Variants in DEFB115 observed in about 807,000 individuals in gnomAD.
DEFB115 encodes the protein beta-defensin 115.
In DEFB115, 7 loss-of-function variants were observed where a neutral mutation model predicts 8.8. The ratio of observed to expected loss-of-function variants is 0.79; its 90% CI spans 0.45 to 1.49. DEFB115 has a LOEUF of 1.49. DEFB115 is among the 40% of genes most tolerant of loss of function. DEFB115 has a pLI of 0.01. For missense variants in DEFB115, 143 were observed against 99.4 expected, an observed-to-expected ratio of 1.44 and a Z score of -1.86; for synonymous variants, 62 against 37.6, an observed-to-expected ratio of 1.65 and a Z score of -2.37.
intron 1 of DEFB115, 150 bp downstream of exon 1, chr20:31,257,907 A>G: frequency 1.4e-6 from 1 of 708,028 alleles, no homozygotes. Flanking sequence ...ATGCTCCCAT[A>G]AGAAGGGCAG....
chr20:31,258,417 C>T (rs1325373099), intron 1 of DEFB115, among the ~76,000 whole-genome samples: 1 of 152,096 alleles, frequency 6.6e-6, no homozygotes, highest in African/African-American at 2.4e-5. Flanking sequence ...CTTAGGCTTC[C>T]CAGGGGCTCT....
chr20:31,257,729 C>A lies in DEFB115; in HGVS notation c.66C>A (p.Val22=). 2 of 1,613,928 alleles carry A rather than the reference C, an allele frequency of 1.2e-6. No individual in the cohort carries two copies. The highest frequency in any genetic ancestry group is 1.7e-6 in the Non-Finnish European group (2 of 1,179,904). The stretch of plus-strand genomic sequence containing the variant: ...AACTCTCTGTCCTGGCCTTAGTTGT[C>A]CTTGTGGTCCTGGCTCAGACTGCCC... ...DIKLSVLALV[V]LVVLAQTAPD... is the part of the protein sequence containing the mutation. The change falls in exon 1 of 2, where the codon GTC becomes GTA. Residue 22 remains valine (V), a synonymous_variant. Coordinates refer to ENST00000400552, the MANE Select transcript of DEFB115 (RefSeq NM_001037730.1).
At chr20:31,258,741 G>A (rs1283732288) in intron 1 of DEFB115, among the ~76,000 whole-genome samples, 3 of 152,092 alleles carry the variant, frequency 2.0e-5, no homozygotes, top group South Asian at 4.1e-4. Context: ...GAACATTCTG[G>A]TAAAAGACAG....
chr20:31,258,715 T>C (rs1361256069), intron 1 of DEFB115, among the ~76,000 whole-genome samples: 2 of 152,212 alleles, frequency 1.3e-5, no homozygotes, highest in African/African-American at 2.4e-5. Context: ...TCAATGTGAC[T>C]GATTTTTTTC....
Position 31,257,855 on chromosome 20 carries a change from C to T in DEFB115, c.94+98C>T, listed in dbSNP as rs574229084. On this transcript the variant is annotated intron_variant, in intron 1 of 1. Transcript: ENST00000400552. Reference sequence around the variant, plus strand: ...GAACATGTGTAGAAGCAAGGAGAGCCCACAGGGATGGCTGAGATCTGATGA... The same window carrying T: ...GAACATGTGTAGAAGCAAGGAGAGCTCACAGGGATGGCTGAGATCTGATGA... 6.9e-4 allele frequency: 742 copies of T among 1,070,996 alleles called. 5 individuals carry two copies. The South Asian group carries it at 9.5e-3, about 14-fold the overall frequency. 66.3% of individuals were successfully genotyped at this position (1,070,996 alleles called of 1,614,324 possible). A position where few individuals can be genotyped will look rare whatever the true frequency, so the allele number is the denominator to read the frequency against.
chr20:31,258,505 T>C (rs564983483), intron 1 of DEFB115, among the ~76,000 whole-genome samples: 2 of 152,324 alleles, frequency 1.3e-5, no homozygotes, highest in South Asian at 4.1e-4. Flanking sequence ...GGAGCAGCTA[T>C]TCAAGCTGAA....
intron 1 of DEFB115, 96 bp from the exon 2 acceptor site, chr20:31,259,364 C>A: frequency 8.0e-7 from 1 of 1,252,640 alleles, no homozygotes; most frequent in South Asian, 2.0e-5. Flanking sequence ...ATCAATGTTT[C>A]ACTCTAACCA....
intron 1 of DEFB115, among the ~76,000 whole-genome samples, chr20:31,258,882 C>T (rs527401912): frequency 6.6e-6 from 1 of 152,036 alleles, no homozygotes; most frequent in Non-Finnish European, 1.5e-5. Context: ...TTGCAGTCTG[C>T]GTTGACTTAG....
At chr20:31,257,871 G>A in intron 1 of DEFB115, 114 bp downstream of exon 1, 1 of 909,278 alleles carries the variant, frequency 1.1e-6, no homozygotes, top group Non-Finnish European at 1.7e-6. Flanking sequence ...GGATGGCTGA[G>A]ATCTGATGAA....
chr20:31,258,642 G>A (rs1240913200), intron 1 of DEFB115, among the ~76,000 whole-genome samples: 1 of 152,162 alleles, frequency 6.6e-6, no homozygotes, highest in Non-Finnish European at 1.5e-5. Flanking sequence ...GCAGATGCAA[G>A]AGACATTTTG....
Position 31,257,717 on chromosome 20 carries a change from G to C in DEFB115, c.54G>C (p.Leu18=). Residue 18 remains leucine (L), a synonymous_variant, in exon 1 of 2, where the codon CTG becomes CTC. Transcript: ENST00000400552. Reference sequence around the variant, plus strand: ...CAGGAGACATTAAACTCTCTGTCCTGGCCTTAGTTGTCCTTGTGGTCCTGG... The same window carrying C: ...CAGGAGACATTAAACTCTCTGTCCTCGCCTTAGTTGTCCTTGTGGTCCTGG... ...PLSGDIKLSV[L]ALVVLVVLAQ... 6.2e-7 allele frequency: 1 copy of C among 1,613,952 alleles called. No homozygotes were observed. The highest frequency in any genetic ancestry group is 1.1e-5 in the South Asian group (1 of 91,078).
chr20:31,259,314 C>A lies in DEFB115; in HGVS notation c.95-146C>A, dbSNP rs1454830393. The A allele has an allele frequency of 3.7e-6, 3 of 808,118 alleles. No homozygotes were observed. In the African/African-American group the frequency reaches 5.3e-5, roughly 14 times the overall value. 50.1% of individuals were successfully genotyped at this position (808,118 alleles called of 1,614,324 possible). A position where few individuals can be genotyped will look rare whatever the true frequency, so the allele number is the denominator to read the frequency against. On this transcript the variant is annotated intron_variant, in intron 1 of 1. Coordinates refer to ENST00000400552, the MANE Select transcript of DEFB115 (RefSeq NM_001037730.1). The stretch of plus-strand genomic sequence containing the variant: ...ACTACTCCTAGTCATTAAACATGCA[C>A]AAATTTATAACATTCCCATGAATGC...
At chr20:31,259,122 GGA>G (rs978203407) in intron 1 of DEFB115, among the ~76,000 whole-genome samples, 9 of 152,060 alleles carry the variant, frequency 5.9e-5, no homozygotes, top group African/African-American at 2.2e-4. Flanking sequence ...AATAATGAAT[GGA>G]GAGAGGATAA....
intron 1 of DEFB115, 85 bp from the exon 2 acceptor site, chr20:31,259,375 T>A: frequency 3.0e-6 from 4 of 1,353,058 alleles, no homozygotes; most frequent in African/African-American, 1.5e-5. Flanking sequence ...ACTCTAACCA[T>A]TATTACTATT....
intron 1 of DEFB115, among the ~76,000 whole-genome samples, chr20:31,259,166 T>C (rs1983835152): frequency 6.6e-6 from 1 of 152,142 alleles, no homozygotes; most frequent in Non-Finnish European, 1.5e-5. Flanking sequence ...TCCCACTCCC[T>C]GGCAAGCATC....
rs780314310 is a variant in DEFB115, at chr20:31,257,758, G to A, written c.94+1G>A. The A allele has an allele frequency of 1.7e-5, 27 of 1,611,612 alleles. No homozygotes were observed. In the Admixed American group the frequency reaches 4.3e-4, roughly 26 times the overall value. On this transcript the variant is annotated splice_donor_variant, in intron 1 of 1. Coordinates refer to ENST00000400552, the MANE Select transcript of DEFB115 (RefSeq NM_001037730.1). LOFTEE classifies it high-confidence loss of function. ...GTGGTCCTGGCTCAGACTGCCCCAGGTAAACAGAACCATGGAGAGAAGGGA... is the reference window on the plus strand; with the variant it reads ...GTGGTCCTGGCTCAGACTGCCCCAGATAAACAGAACCATGGAGAGAAGGGA...
At chr20:31,259,366 C>T in intron 1 of DEFB115, 94 bp from the exon 2 acceptor site, 1 of 1,292,336 alleles carries the variant, frequency 7.7e-7, no homozygotes, top group Non-Finnish European at 1.0e-6. Flanking sequence ...CAATGTTTCA[C>T]TCTAACCATT....
chr20:31,257,715 C>A lies in DEFB115; in HGVS notation c.52C>A (p.Leu18Met), dbSNP rs1481203290. 1 of 1,614,032 alleles carries A rather than the reference C, an allele frequency of 6.2e-7. No individual in the cohort carries two copies. The highest frequency in any genetic ancestry group is 8.5e-7 in the Non-Finnish European group (1 of 1,179,966). ...PLSGDIKLSV[L>M]ALVVLVVLAQ... ...CTCAGGAGACATTAAACTCTCTGTC[C>A]TGGCCTTAGTTGTCCTTGTGGTCCT... Residue 18 changes from leucine to methionine, a missense_variant, in exon 1 of 2, where the codon CTG (leucine) becomes ATG (methionine). By Grantham distance (15) the Leu-to-Met change is conservative. Coordinates refer to ENST00000400552, the MANE Select transcript of DEFB115 (RefSeq NM_001037730.1).
intron 1 of DEFB115, among the ~76,000 whole-genome samples, chr20:31,258,951 C>G (rs758214974): frequency 6.6e-6 from 1 of 152,088 alleles, no homozygotes; most frequent in Non-Finnish European, 1.5e-5. Flanking sequence ...CACCCACCCC[C>G]CAACACACAC....
Sources: gnomAD v4.1 joint callset for allele counts (sites outside exome capture counted in the v4.1 genomes callset) on GRCh38, gnomAD v4.1.1 for gene constraint, MANE v1.5 for transcripts, NCBI Gene and HGNC (gene_info 2026-07-23, HGNC 2026-07-21) for gene names.